Variants in ETV3 observed in about 807,000 individuals in gnomAD.
The protein encoded by ETV3 is ETS translocation variant 3.
In ETV3, 8 loss-of-function variants were observed where a neutral mutation model predicts 33.0. That is an observed-to-expected ratio of 0.24 (90% CI 0.14 to 0.44). ETV3 has a LOEUF of 0.44. Among genes scored for constraint, ETV3 ranks in the 20% least tolerant of loss-of-function variants. The pLI, the probability that ETV3 is intolerant of heterozygous loss-of-function variation, is 1.00. For missense variants in ETV3, 473 were observed against 652.3 expected (o/e 0.73, Z 2.99); for synonymous variants, 222 against 238.9 (o/e 0.93, Z 0.65).
At chr1:157,136,553 A>G (rs114512359) in intron 1 of ETV3, among the ~76,000 whole-genome samples, 188 bp from the exon 2 acceptor site, 2 of 152,216 alleles carry the variant, frequency 1.3e-5, no homozygotes, top group African/African-American at 4.8e-5. Context: ...GCCTCAGGTC[A>G]TCAGCTTCAA....
At chr1:157,138,262 G>A (rs1488351633) in intron 1 of ETV3, 54 bp downstream of exon 1, 1 of 151,924 alleles carries the variant, frequency 6.6e-6, no homozygotes, top group African/African-American at 2.4e-5. Context: ...GTCCCCGCCA[G>A]GGTCCCGGAT....
chr1:157,133,161 A>G (rs1571700868), intron 4 of ETV3: 2 of 154,086 alleles, frequency 1.3e-5, no homozygotes, highest in East Asian at 3.8e-4. Flanking sequence ...GAAAGACCAC[A>G]TTAAGTTTAT....
chr1:157,131,599 A>T (rs1452566575), intron 4 of ETV3, among the ~76,000 whole-genome samples: 1 of 152,236 alleles, frequency 6.6e-6, no homozygotes, highest in Non-Finnish European at 1.5e-5. Context: ...TCTCTCAGGA[A>T]TTGTTTCCCT....
chr1:157,134,031 C>T (rs1675034601), intron 4 of ETV3, 81 bp downstream of exon 4: 2 of 1,564,650 alleles, frequency 1.3e-6, no homozygotes, highest in African/African-American at 2.8e-5. Context: ...TCTTCCTAAA[C>T]ATGCCATGTC....
intron 1 of ETV3, among the ~76,000 whole-genome samples, chr1:157,137,816 T>C (rs140953440): frequency 3.2e-4 from 49 of 152,164 alleles, no homozygotes; most frequent in African/African-American, 1.1e-3. Flanking sequence ...AGCTCTCCAA[T>C]TTTCCCCATA....
At position 157,124,877 on chromosome 1, in the gene ETV3, T is replaced by G. The variant is rs1418535680; in HGVS notation, c.1503A>C (p.Gly501=). 9 of 1,546,850 alleles carry G rather than the reference T, an allele frequency of 5.8e-6. No individual in the cohort carries two copies. Among genetic ancestry groups the G allele is most frequent in the Non-Finnish European group, 7.0e-6 (8 of 1,145,026 alleles). ...KSGKFLWNGS[G]PQGLATAAAD... ...CAGCTGCTGTTGCCAAGCCCTGGGG[T>G]CCTGACCCATTCCAGAGAAACTTGC... is the stretch of plus-strand genomic sequence containing the variant. Residue 501 remains glycine (G), a synonymous_variant, in exon 5 of 5, where the codon GGA becomes GGC. Transcript: ENST00000368192.
intron 4 of ETV3, among the ~76,000 whole-genome samples, chr1:157,132,041 C>T (rs1032842354): frequency 7.9e-5 from 12 of 152,194 alleles, no homozygotes; most frequent in African/African-American, 2.4e-4. Flanking sequence ...CAGCTCACTG[C>T]GACCTCTGCC....
chr1:157,133,926 T>A, intron 4 of ETV3, 186 bp downstream of exon 4: 1 of 1,412,462 alleles, frequency 7.1e-7, no homozygotes, highest in Non-Finnish European at 9.2e-7. Flanking sequence ...TCTATCTTGA[T>A]ACTGAATAGC....
Position 157,124,765 on chromosome 1 carries a change from C to CCCCCCCGAA in ETV3, c.*75_*76insTTCGGGGGG. 36 of 408,014 alleles carry CCCCCCCGAA rather than the reference C, an allele frequency of 8.8e-5. No individual in the cohort carries two copies. Among genetic ancestry groups the CCCCCCCGAA allele is most frequent in the South Asian group, 6.4e-4 (9 of 14,094 alleles). 25.3% of individuals were successfully genotyped at this position (408,014 alleles called of 1,614,324 possible). On this transcript the variant is annotated 3_prime_UTR_variant, in exon 5 of 5. Coordinates refer to ENST00000368192, the MANE Select transcript of ETV3 (RefSeq NM_001145312.3). The stretch of plus-strand genomic sequence containing the variant: ...CAAACCAGTTTAACTCCCTCCCCCC[C>CCCCCCCGAA]ACCCTGAAATCTTGCTACATAAATA...
intron 3 of ETV3, 102 bp downstream of exon 3, chr1:157,135,369 G>T: frequency 7.4e-7 from 1 of 1,347,898 alleles, no homozygotes; most frequent in Non-Finnish European, 1.0e-6. Context: ...CACTAAGATA[G>T]TGTAGTCTTT....
intron 4 of ETV3, chr1:157,128,518 A>T (rs1674895093): frequency 3.7e-6 from 1 of 266,932 alleles, no homozygotes; most frequent in Non-Finnish European, 7.7e-6. Flanking sequence ...ACAGATGCCA[A>T]TAAGAACAAA....
At position 157,124,774 on chromosome 1, in the gene ETV3, AT is replaced by A; in HGVS notation, c.*66del. On this transcript the variant is annotated 3_prime_UTR_variant, in exon 5 of 5. Coordinates refer to ENST00000368192, the MANE Select transcript of ETV3 (RefSeq NM_001145312.3). The stretch of plus-strand genomic sequence containing the variant: ...TTAACTCCCTCCCCCCCACCCTGAA[AT>A]CTTGCTACATAAATACATGTATGTA... 3 of 473,226 alleles carry A rather than the reference AT, an allele frequency of 6.3e-6. No homozygotes were observed. The highest frequency in any genetic ancestry group is 5.3e-5 in the Admixed American group (1 of 18,850). 29.3% of individuals were successfully genotyped at this position (473,226 alleles called of 1,614,324 possible). A position where few individuals can be genotyped will look rare whatever the true frequency, so the allele number is the denominator to read the frequency against.
In ETV3 at chr1:157,124,328, C is replaced by T. The variant is rs12028084; in HGVS notation, c.*513G>A. On this transcript the variant is annotated 3_prime_UTR_variant, in exon 5 of 5. Coordinates refer to ENST00000368192, the MANE Select transcript of ETV3 (RefSeq NM_001145312.3). ...CCCACCCCAGTAAGTCTGAGATTAT[C>T]TTATTCCTTCCCTGAAATAATTATA... is the stretch of plus-strand genomic sequence containing the variant. 1.3e-5 allele frequency: 2 copies of T among 149,694 alleles called. No homozygotes were observed. Among genetic ancestry groups the T allele is most frequent in the Non-Finnish European group, 3.0e-5 (2 of 67,608 alleles). The allele number at this position is 149,694 out of a possible 1,614,324, so 9.3% of individuals were successfully genotyped here.
intron 4 of ETV3, chr1:157,128,267 A>C (rs941184582): frequency 6.4e-6 from 1 of 155,846 alleles, no homozygotes. Flanking sequence ...GTTCTGCAGG[A>C]CTTTTTTTTT....
rs1411799345 is a variant in ETV3, at chr1:157,121,392, C to A, written c.*3449G>T. 3 of 151,900 alleles carry A rather than the reference C, an allele frequency of 2.0e-5. No homozygotes were observed. The highest frequency in any genetic ancestry group is 4.4e-5 in the Non-Finnish European group (3 of 67,992). 9.4% of individuals were successfully genotyped at this position (151,900 alleles called of 1,614,324 possible). A position where few individuals can be genotyped will look rare whatever the true frequency, so the allele number is the denominator to read the frequency against. On this transcript the variant is annotated 3_prime_UTR_variant, in exon 5 of 5. Transcript: ENST00000368192. Reference sequence around the variant, plus strand: ...TAGAAAGCGGAACATCTAAAAGGCACTGCACAATGGAGTTAAGATTACTTA... The same window carrying A: ...TAGAAAGCGGAACATCTAAAAGGCAATGCACAATGGAGTTAAGATTACTTA...
rs557591754 is a variant in ETV3 at position 157,125,227 on chromosome 1, C to T, written c.1153G>A (p.Ala385Thr). 1 of 1,552,194 alleles carries T rather than the reference C, an allele frequency of 6.4e-7. No individual in the cohort carries two copies. The highest frequency in any genetic ancestry group is 1.4e-5 in the African/African-American group (1 of 73,170). Reference sequence around the variant, plus strand: ...AGGCTCTCAGGATCCTTTTCAGAGGCAGGTTCCACCTTGATTCTTGGGGGA... The same window carrying T: ...AGGCTCTCAGGATCCTTTTCAGAGGTAGGTTCCACCTTGATTCTTGGGGGA... ...SIPPRIKVEP[A>T]SEKDPESLRQ... Residue 385 changes from alanine to threonine, a missense_variant, in exon 5 of 5, where the codon GCC becomes ACC. By Grantham distance (58) the Ala-to-Thr change is moderately conservative. Coordinates refer to ENST00000368192, the MANE Select transcript of ETV3 (RefSeq NM_001145312.3). The surrounding 1 kb of genome is among the most constrained non-coding windows in gnomAD (Gnocchi z 4.0).
At chr1:157,136,215 G>A in intron 2 of ETV3, 92 bp downstream of exon 2, 1 of 1,233,180 alleles carries the variant, frequency 8.1e-7, no homozygotes. Context: ...GTCAGTCATG[G>A]TCTGACATTT....
intron 1 of ETV3, among the ~76,000 whole-genome samples, chr1:157,136,754 C>T (rs1675122895): frequency 1.3e-5 from 2 of 152,296 alleles, no homozygotes; most frequent in South Asian, 4.1e-4. Context: ...TAGACAAGCC[C>T]ACATGCCAAG....
intron 4 of ETV3, among the ~76,000 whole-genome samples, chr1:157,130,127 C>T (rs963679246): frequency 3.9e-5 from 6 of 152,160 alleles, no homozygotes; most frequent in African/African-American, 9.7e-5. Flanking sequence ...CAGGCGTGAG[C>T]CACTGTGCCG....
Sources: gnomAD v4.1 joint callset for allele counts (sites outside exome capture counted in the v4.1 genomes callset) on GRCh38, gnomAD v4.1.1 for gene constraint, Gnocchi (gnomAD v3.1) non-coding constraint, MANE v1.5 for transcripts, NCBI Gene and HGNC (gene_info 2026-07-23, HGNC 2026-07-21) for gene names.